Variants in MOSPD2 observed in about 807,000 individuals in gnomAD.
The protein encoded by MOSPD2 is motile sperm domain-containing protein 2.
MOSPD2 carries 5 observed loss-of-function variants against 41.7 expected under a neutral mutation model. The ratio of observed to expected loss-of-function variants is 0.12; its 90% CI spans 0.06 to 0.25. The LOEUF is 0.25. MOSPD2 is among the 10% of genes least tolerant of loss of function. The pLI, the probability that MOSPD2 is intolerant of heterozygous loss-of-function variation, is 1.00. For missense variants in MOSPD2, 282 were observed against 375.2 expected, an observed-to-expected ratio of 0.75 and a Z score of 2.05; for synonymous variants, 115 against 126.9, an observed-to-expected ratio of 0.91 and a Z score of 0.63.
Position 14,888,455 on chromosome X carries a change from C to A in MOSPD2, c.80-4268C>A, listed in dbSNP as rs185655237. ...CTGGTCGTTTTAAAAATGGGAGTTT[C>A]CCTGCACAACCTCTCTCTTTGCTTG... On this transcript the variant is annotated intron_variant, in intron 2 of 14. Coordinates refer to ENST00000380492, the MANE Select transcript of MOSPD2 (RefSeq NM_152581.4). 6.4e-3 allele frequency among the ~76,000 whole-genome samples: 705 copies of A among 110,532 alleles called. 10 individuals carry two copies. The highest frequency in any genetic ancestry group is 0.022 in the African/African-American group (680 of 30,404).
chrX:14,915,826 C>G (rs752534807), intron 12 of MOSPD2, 62 bp downstream of exon 12: 1 of 955,165 alleles, frequency 1.0e-6, no homozygotes, highest in Non-Finnish European at 1.5e-6. Flanking sequence ...GGGACCTGGA[C>G]CTTGGCTCTG....
chrX:14,917,023 A>G (rs2092601422), intron 13 of MOSPD2, among the ~76,000 whole-genome samples: 1 of 112,109 alleles, frequency 8.9e-6, no homozygotes, highest in Non-Finnish European at 1.9e-5. Context: ...CCCAGGGGAC[A>G]TTTGTCAATG....
chrX:14,901,747 A>G (rs1466297595), intron 6 of MOSPD2, among the ~76,000 whole-genome samples: 1 of 110,219 alleles, frequency 9.1e-6, no homozygotes, highest in Non-Finnish European at 1.9e-5. Context: ...GGGAATCACT[A>G]CCCCATAGTT....
intron 5 of MOSPD2, among the ~76,000 whole-genome samples, chrX:14,899,565 T>TACACACACACACACACACACACACACAC (rs59555716): frequency 3.7e-5 from 3 of 81,052 alleles, no homozygotes. Flanking sequence ...ATTATATACA[T>TACACACACACACACACACACACACACAC]ACACACACAC....
intron 7 of MOSPD2, among the ~76,000 whole-genome samples, chrX:14,907,880 A>G (rs2092584969): frequency 8.9e-6 from 1 of 111,822 alleles, no homozygotes; most frequent in Non-Finnish European, 1.9e-5. Flanking sequence ...GTTATGAAAA[A>G]TCAGATTTAT....
chrX:14,912,149 TC>T (rs1190778444), intron 9 of MOSPD2, 99 bp from the exon 10 acceptor site: 12 of 433,758 alleles, frequency 2.8e-5, no homozygotes, highest in Non-Finnish European at 4.4e-5. Context: ...TATTGTATTT[TC>T]TAGAGTAACC....
Position 14,914,564 on chromosome X carries a change from T to C in MOSPD2, c.1054T>C (p.Leu352=). The C allele has an allele frequency of 8.6e-7, 1 of 1,163,722 alleles. No individual in the cohort carries two copies. Among genetic ancestry groups the C allele is most frequent in the Non-Finnish European group, 1.2e-6 (1 of 858,655 alleles). The part of the protein sequence containing the change: ...ESGEKKTLIV[L]TNVTKNIVAF... ...CGGAGAGAAGAAAACCTTAATAGTGTTGACAAATGTAACTAAAAATATAGT... is the reference window on the plus strand; with the variant it reads ...CGGAGAGAAGAAAACCTTAATAGTGCTGACAAATGTAACTAAAAATATAGT... The change falls in exon 11 of 15, where the codon TTG becomes CTG. Residue 352 remains leucine, a synonymous_variant. Coordinates refer to ENST00000380492, the MANE Select transcript of MOSPD2 (RefSeq NM_152581.4).
At position 14,888,202 on chromosome X, in the gene MOSPD2, A is replaced by ACGCG. The variant is rs749735833; in HGVS notation, c.80-4520_80-4519insGCGC. Among the ~76,000 whole-genome samples, 231 of 40,722 alleles carry ACGCG rather than the reference A, an allele frequency of 5.7e-3. 1 individual carries two copies. The highest frequency in any genetic ancestry group is 0.025 in the Admixed American group (97 of 3,880). 35.4% of individuals were successfully genotyped at this position (40,722 alleles called of 115,157 possible). On this transcript the variant is annotated intron_variant, in intron 2 of 14. Coordinates refer to ENST00000380492, the MANE Select transcript of MOSPD2 (RefSeq NM_152581.4). ...AAGTATTGGGAGAATATATACACAC[A>ACGCG]CACGCACACACACACACACACACAC...
At position 14,900,556 on chromosome X, in the gene MOSPD2, G is replaced by T; in HGVS notation, c.478-19G>T. The T allele has an allele frequency of 9.6e-7, 1 of 1,037,804 alleles. No homozygotes were observed. Among genetic ancestry groups the T allele is most frequent in the Non-Finnish European group, 1.3e-6 (1 of 760,020 alleles). 85.5% of individuals were successfully genotyped at this position (1,037,804 alleles called of 1,213,427 possible). On this transcript the variant is annotated intron_variant, in intron 5 of 14. Transcript: ENST00000380492. ...GTTCTCTAATGTGGACAGTCTTAAA[G>T]ATTTAATCTTTATTTTAGGACATGG...
chrX:14,918,698 T>G lies in MOSPD2; in HGVS notation c.1335T>G (p.Val445=), dbSNP rs774052468. 6.7e-6 allele frequency: 8 copies of G among 1,195,873 alleles called. No individual in the cohort carries two copies. In the South Asian group the frequency reaches 1.2e-4, roughly 19 times the overall value. The change falls in exon 14 of 15, where the codon GTT becomes GTG. Residue 445 remains valine (V), a synonymous_variant. Transcript: ENST00000380492. ...VMEHRLRCHT[V]ESSKPNTLTL... is the part of the protein sequence containing the mutation. ...TTAATAGGTTAAGATGCCATACTGT[T>G]GAAAGCAGTAAACCAAACACTCTTA...
At chrX:14,900,535 T>C in intron 5 of MOSPD2, 40 bp from the exon 6 acceptor site, 1 of 726,904 alleles carries the variant, frequency 1.4e-6, no homozygotes, top group African/African-American at 2.1e-5. Context: ...TTTTAAGTTC[T>C]CTAATGTGGA....
At chrX:14,876,181 A>G (rs1313682563) in intron 2 of MOSPD2, among the ~76,000 whole-genome samples, 1 of 112,230 alleles carries the variant, frequency 8.9e-6, no homozygotes. Flanking sequence ...AAGTGATAAT[A>G]AAAGGGGTGT....
intron 2 of MOSPD2, among the ~76,000 whole-genome samples, chrX:14,877,707 C>G (rs1338702095): frequency 9.5e-6 from 1 of 105,402 alleles, no homozygotes; most frequent in Non-Finnish European, 2.0e-5. Context: ...GGCGCGGTGG[C>G]TCACGCCTGT....
chrX:14,897,630 C>G (rs1317983694), intron 5 of MOSPD2, among the ~76,000 whole-genome samples: 1 of 112,020 alleles, frequency 8.9e-6, no homozygotes, highest in Non-Finnish European at 1.9e-5. Flanking sequence ...AGGTAATATA[C>G]CATCTCGAAT....
chrX:14,873,633 A>T, intron 1 of MOSPD2, 56 bp from the exon 2 acceptor site: 2 of 1,201,320 alleles, frequency 1.7e-6, no homozygotes, highest in East Asian at 3.0e-5. Context: ...GGCTGGGTTG[A>T]GGGTAAGCGG....
Position 14,921,145 on chromosome X carries a change from A to G in MOSPD2, c.*1336A>G. 1.1e-6 allele frequency: 1 copy of G among 873,062 alleles called. No individual in the cohort carries two copies. Among genetic ancestry groups the G allele is most frequent in the Non-Finnish European group, 1.4e-6 (1 of 715,134 alleles). 72.0% of individuals were successfully genotyped at this position (873,062 alleles called of 1,213,427 possible). A position where few individuals can be genotyped will look rare whatever the true frequency, so the allele number is the denominator to read the frequency against. On this transcript the variant is annotated 3_prime_UTR_variant, in exon 15 of 15. Coordinates refer to ENST00000380492, the MANE Select transcript of MOSPD2 (RefSeq NM_152581.4). The stretch of plus-strand genomic sequence containing the variant: ...TGGTTCACATGTACATCTACTTTAT[A>G]TGAAAGAAAAAACAGTTGTCTGCCT...
rs1393605912 is a variant in MOSPD2, at chrX:14,920,232, C to T, written c.*423C>T. On this transcript the variant is annotated 3_prime_UTR_variant, in exon 15 of 15. Coordinates refer to ENST00000380492, the MANE Select transcript of MOSPD2 (RefSeq NM_152581.4). Reference sequence around the variant, plus strand: ...GAATTATTATAGCTGAGCTGACTTACTAGCTTTTCTATACTATGTATATAG... The same window carrying T: ...GAATTATTATAGCTGAGCTGACTTATTAGCTTTTCTATACTATGTATATAG... The T allele has an allele frequency of 2.7e-6, 2 of 746,745 alleles. No homozygotes were observed. The highest frequency in any genetic ancestry group is 4.6e-5 in the African/African-American group (2 of 43,059). 61.5% of individuals were successfully genotyped at this position (746,745 alleles called of 1,213,427 possible).
In MOSPD2 at chrX:14,921,282, G is replaced by A; in HGVS notation, c.*1473G>A. The A allele has an allele frequency of 1.1e-6, 1 of 931,495 alleles. No individual in the cohort carries two copies. The highest frequency in any genetic ancestry group is 1.3e-6 in the Non-Finnish European group (1 of 751,931). The allele number at this position is 931,495 out of a possible 1,213,427, so 76.8% of individuals were successfully genotyped here. A position where few individuals can be genotyped will look rare whatever the true frequency, so the allele number is the denominator to read the frequency against. Reference sequence around the variant, plus strand: ...GTTGATTCCAAAACTGAGTTATGAAGAATGATATAACAGTTCCTTCAAAAT... The same window carrying A: ...GTTGATTCCAAAACTGAGTTATGAAAAATGATATAACAGTTCCTTCAAAAT... On this transcript the variant is annotated 3_prime_UTR_variant, in exon 15 of 15. Coordinates refer to ENST00000380492, the MANE Select transcript of MOSPD2 (RefSeq NM_152581.4).
In MOSPD2 at chrX:14,897,233, A is replaced by G. The variant is rs1468508961; in HGVS notation, c.472A>G (p.Ser158Gly). 1 of 1,185,413 alleles carries G rather than the reference A, an allele frequency of 8.4e-7. No individual in the cohort carries two copies. Among genetic ancestry groups the G allele is most frequent in the Non-Finnish European group, 1.1e-6 (1 of 880,989 alleles). Residue 158 changes from serine to glycine, a missense_variant, in exon 5 of 15, where the codon AGC becomes GGC. Ser to Gly is a moderately conservative substitution (Grantham distance 56). Coordinates refer to ENST00000380492, the MANE Select transcript of MOSPD2 (RefSeq NM_152581.4). ...MFDLSETGINSIDMDFVRFII... is the reference protein window; with the variant it reads ...MFDLSETGINGIDMDFVRFII... ...TGACCTGTCAGAAACTGGAATAAATAGCATTGTAAGCATTTTTTCATTCAT... is the reference window on the plus strand; with the variant it reads ...TGACCTGTCAGAAACTGGAATAAATGGCATTGTAAGCATTTTTTCATTCAT...
Sources: gnomAD v4.1 joint callset for allele counts (sites outside exome capture counted in the v4.1 genomes callset) on GRCh38, gnomAD v4.1.1 for gene constraint, MANE v1.5 for transcripts, NCBI Gene and HGNC (gene_info 2026-07-23, HGNC 2026-07-21) for gene names.